CDKAL1: variants seen among roughly 807,000 people sequenced by gnomAD.
CDKAL1 encodes CDKAL1 threonylcarbamoyladenosine tRNA methylthiotransferase, also known as threonylcarbamoyladenosine tRNA methylthiotransferase.
In CDKAL1, 32 loss-of-function variants were observed where a neutral mutation model predicts 68.2. The ratio of observed to expected loss-of-function variants is 0.47; its 90% CI spans 0.35 to 0.63. CDKAL1 has a LOEUF of 0.63. Ranked by LOEUF, CDKAL1 falls within the 30% of genes least tolerant of loss-of-function variation. CDKAL1 has a pLI of 0.00. For synonymous variants in CDKAL1, 234 were observed against 244.3 expected (o/e 0.96, Z 0.39); for missense variants, 606 against 696.7 (o/e 0.87, Z 1.47).
At chr6:20,555,922 C>T (rs1764023642) in intron 4 of CDKAL1, among the ~76,000 whole-genome samples, 1 of 151,934 alleles carries the variant, frequency 6.6e-6, no homozygotes. Context: ...GCGCCCGGCC[C>T]CAGCCAGAGT....
chr6:20,778,557 G>A (rs1775277428), intron 7 of CDKAL1, among the ~76,000 whole-genome samples: 1 of 152,186 alleles, frequency 6.6e-6, no homozygotes, highest in Non-Finnish European at 1.5e-5. Flanking sequence ...CAACCATGGA[G>A]GCTGAGAAGT....
intron 13 of CDKAL1, among the ~76,000 whole-genome samples, chr6:21,173,227 ACTT>A (rs200079944): frequency 6.6e-6 from 1 of 151,880 alleles, no homozygotes; most frequent in Non-Finnish European, 1.5e-5. Flanking sequence ...ATTTTATATT[ACTT>A]CTTCATTTCT....
At chr6:21,106,321 G>A (rs1163682261) in intron 12 of CDKAL1, among the ~76,000 whole-genome samples, 1 of 152,164 alleles carries the variant, frequency 6.6e-6, no homozygotes, top group Non-Finnish European at 1.5e-5. Flanking sequence ...ACTGTGTAGT[G>A]GAAAAAGTAA....
At chr6:21,047,381 T>G (rs1770298589) in intron 11 of CDKAL1, among the ~76,000 whole-genome samples, 1 of 152,310 alleles carries the variant, frequency 6.6e-6, no homozygotes, top group South Asian at 2.1e-4. Context: ...GCCTTGTGAA[T>G]CTCCACTTAT....
At chr6:21,214,668 A>G (rs2151119510) in intron 15 of CDKAL1, among the ~76,000 whole-genome samples, 1 of 151,770 alleles carries the variant, frequency 6.6e-6, no homozygotes, top group East Asian at 1.9e-4. Context: ...ATCCAACACA[A>G]CCTAGTACTT....
At chr6:20,828,298 G>A (rs1002047504) in intron 8 of CDKAL1, among the ~76,000 whole-genome samples, 2 of 151,692 alleles carry the variant, frequency 1.3e-5, no homozygotes, top group East Asian at 1.9e-4. Context: ...GCACAATCTC[G>A]GCTCATTGCA....
chr6:20,883,601 A>C (rs1405175495), intron 9 of CDKAL1, among the ~76,000 whole-genome samples: 1 of 152,200 alleles, frequency 6.6e-6, no homozygotes, highest in Non-Finnish European at 1.5e-5. Flanking sequence ...GCTGTAGTTA[A>C]TAATGTGCTT....
intron 15 of CDKAL1, among the ~76,000 whole-genome samples, chr6:21,208,651 A>G (rs757755290): frequency 9.2e-5 from 14 of 151,978 alleles, no homozygotes; most frequent in Non-Finnish European, 5.9e-5. Context: ...TAAATTCTTC[A>G]TCGCTGCTAA....
intron 5 of CDKAL1, among the ~76,000 whole-genome samples, chr6:20,721,467 A>G (rs1772356011): frequency 6.6e-6 from 1 of 152,132 alleles, no homozygotes; most frequent in Non-Finnish European, 1.5e-5. Flanking sequence ...TTATCCATTG[A>G]TGGACACTTA....
At chr6:20,647,948 G>A (rs1056980486) in intron 4 of CDKAL1, among the ~76,000 whole-genome samples, 11 of 150,320 alleles carry the variant, frequency 7.3e-5, no homozygotes, top group African/African-American at 1.7e-4. Flanking sequence ...GGTGGTGGGC[G>A]CCTGTAATCC....
chr6:20,758,755 A>G (rs567344450), intron 7 of CDKAL1, 112 bp downstream of exon 7: 25 of 726,542 alleles, frequency 3.4e-5, no homozygotes, highest in Non-Finnish European at 5.3e-5. Flanking sequence ...TGTTTTAGAT[A>G]TAAAATCATA....
chr6:21,118,893 A>G (rs1229481838), intron 13 of CDKAL1, among the ~76,000 whole-genome samples: 3 of 152,248 alleles, frequency 2.0e-5, no homozygotes, highest in African/African-American at 4.8e-5. Flanking sequence ...ACGTTGAAGT[A>G]TAACAATAAT....
At chr6:21,000,020 ATTG>A (rs1449622166) in intron 10 of CDKAL1, among the ~76,000 whole-genome samples, 4 of 152,334 alleles carry the variant, frequency 2.6e-5, no homozygotes, top group Non-Finnish European at 5.9e-5. Flanking sequence ...TGAGGAAATA[ATTG>A]TTGTGTGGAA....
At chr6:21,100,710 CACTA>C (rs1773539304) in intron 12 of CDKAL1, among the ~76,000 whole-genome samples, 1 of 148,998 alleles carries the variant, frequency 6.7e-6, no homozygotes, top group Non-Finnish European at 1.5e-5. Context: ...TTTTTTTTAT[CACTA>C]ACTGTATTTC....
intron 13 of CDKAL1, among the ~76,000 whole-genome samples, chr6:21,168,766 G>C (rs1777251587): frequency 6.6e-6 from 1 of 152,144 alleles, no homozygotes; most frequent in Non-Finnish European, 1.5e-5. Context: ...AATGTATTTA[G>C]TAACCAACAG....
chr6:20,780,670 C>CTTTTTTTTTTTTTTTTTTTTTTT (rs1223553462), intron 7 of CDKAL1, among the ~76,000 whole-genome samples: 7 of 38,168 alleles, frequency 1.8e-4, no homozygotes, highest in South Asian at 6.7e-4. Flanking sequence ...ATTTCTTTTT[C>CTTTTTTTTTTTTTTTTTTTTTTT]TTTTTTTTTT....
chr6:21,029,566 T>G (rs186177436), intron 11 of CDKAL1, among the ~76,000 whole-genome samples: 69 of 152,164 alleles, frequency 4.5e-4, no homozygotes, highest in Middle Eastern at 6.8e-3. Context: ...GGGAGAAAAT[T>G]TTTGCAATCT....
Position 20,948,521 on chromosome 6 carries a change from A to G in CDKAL1, c.743-6898A>G, listed in dbSNP as rs1009939005. ...GAAATCTCGATAAGTTTTTATCACC[A>G]TTATCAACTGATTATTAATATTTTC... On this transcript the variant is annotated intron_variant, in intron 9 of 15. Coordinates refer to ENST00000274695, the MANE Select transcript of CDKAL1 (RefSeq NM_017774.3). Among the ~76,000 whole-genome samples the G allele has an allele frequency of 3.3e-5, 5 of 152,194 alleles. 1 individual carries two copies. The highest frequency in any genetic ancestry group is 2.0e-4 in the Admixed American group (3 of 15,288).
chr6:20,575,190 T>A (rs977545253), intron 4 of CDKAL1, among the ~76,000 whole-genome samples: 1 of 152,170 alleles, frequency 6.6e-6, no homozygotes, highest in African/African-American at 2.4e-5. Flanking sequence ...TTGTAGTTTT[T>A]AAACCATATT....
Sources: gnomAD v4.1 joint callset for allele counts (sites outside exome capture counted in the v4.1 genomes callset) on GRCh38, gnomAD v4.1.1 for gene constraint, MANE v1.5 for transcripts, NCBI Gene and HGNC (gene_info 2026-07-23, HGNC 2026-07-21) for gene names.